Variants in TUSC3 observed in about 807,000 individuals in gnomAD.
TUSC3 encodes dolichyl-diphosphooligosaccharide--protein glycosyltransferase subunit TUSC3.
A neutral mutation model predicts 44.8 loss-of-function variants in TUSC3; 45 were observed. The ratio of observed to expected loss-of-function variants is 1.00; its 90% CI spans 0.79 to 1.29. The LOEUF (loss-of-function observed/expected upper bound fraction) is 1.29. Among genes scored for constraint, TUSC3 ranks in the 50% most tolerant of loss-of-function variants. The probability of loss-of-function intolerance (pLI) is 0.00; values close to 1 mark genes in which losing one functional copy is unlikely to be tolerated. For missense variants in TUSC3, 519 were observed against 437.9 expected (o/e 1.19, Z -1.65); for synonymous variants, 212 against 152.9 (o/e 1.39, Z -2.85).
At chr8:15,555,728 G>A (rs578055485) in intron 1 of TUSC3, among the ~76,000 whole-genome samples, 1 of 151,510 alleles carries the variant, frequency 6.6e-6, no homozygotes, top group South Asian at 2.1e-4. Flanking sequence ...CATAACTGTT[G>A]GAATATTGCA....
chr8:15,713,715 A>T (rs1809951962), intron 6 of TUSC3, among the ~76,000 whole-genome samples: 2 of 151,884 alleles, frequency 1.3e-5, no homozygotes, highest in South Asian at 4.2e-4. Context: ...TTTTTTTTAT[A>T]AAGATGCCAA....
the TUSC3 span, among the ~76,000 whole-genome samples, chr8:15,834,943 G>A: frequency 6.6e-6 from 1 of 152,112 alleles, no homozygotes; most frequent in Non-Finnish European, 1.5e-5. Flanking sequence ...ACTGGTTGTG[G>A]GACTTAAGTA....
intron 8 of TUSC3, among the ~76,000 whole-genome samples, chr8:15,746,080 G>A (rs1353941217): frequency 6.6e-6 from 1 of 152,074 alleles, no homozygotes; most frequent in African/African-American, 2.4e-5. Context: ...AGAGTGTGCA[G>A]CTTTATTTCT....
chr8:15,838,913 A>G, the TUSC3 span, among the ~76,000 whole-genome samples: 2 of 152,160 alleles, frequency 1.3e-5, no homozygotes, highest in Non-Finnish European at 2.9e-5. Flanking sequence ...TGGTAGCTCA[A>G]TGGGGATGGC....
chr8:15,778,290 G>GTATT, the TUSC3 span, among the ~76,000 whole-genome samples: 6 of 152,208 alleles, frequency 3.9e-5, 1 homozygote, highest in Middle Eastern at 0.014. Flanking sequence ...TGAGGTGAGA[G>GTATT]TATTACCAGT....
At chr8:15,499,627 C>T (rs1800931106) in intron 2 of TUSC3, among the ~76,000 whole-genome samples, 1 of 152,132 alleles carries the variant, frequency 6.6e-6, no homozygotes, top group Admixed American at 6.6e-5. Context: ...TTTTATGTGT[C>T]AACTTCACTG....
the TUSC3 span, among the ~76,000 whole-genome samples, chr8:15,781,692 G>A: frequency 2.2e-4 from 34 of 152,284 alleles, no homozygotes; most frequent in Non-Finnish European, 4.9e-4. Context: ...ACACAAGATA[G>A]CTTCACTGGT....
intron 9 of TUSC3, among the ~76,000 whole-genome samples, chr8:15,752,053 G>C (rs892953819): frequency 6.6e-6 from 1 of 152,110 alleles, no homozygotes; most frequent in African/African-American, 2.4e-5. Context: ...ATACATCCAT[G>C]AACCGGGGAA....
intron 1 of TUSC3, among the ~76,000 whole-genome samples, chr8:15,458,969 C>T (rs1288202751): frequency 1.3e-5 from 2 of 152,314 alleles, no homozygotes; most frequent in Admixed American, 6.5e-5. Context: ...TTAAGTTAAT[C>T]TTTTCACCAA....
intron 7 of TUSC3, among the ~76,000 whole-genome samples, chr8:15,733,185 C>A (rs545874705): frequency 6.6e-6 from 1 of 152,226 alleles, no homozygotes; most frequent in African/African-American, 2.4e-5. Flanking sequence ...CATATCTACT[C>A]CTCTCTATTA....
chr8:15,752,003 C>T (rs1164062460), intron 9 of TUSC3, among the ~76,000 whole-genome samples: 3 of 152,074 alleles, frequency 2.0e-5, no homozygotes, highest in Admixed American at 6.5e-5. Context: ...ATAGACATGC[C>T]GTGGTGCTTA....
chr8:15,538,015 T>C (rs1488532359), upstream of TUSC3, among the ~76,000 whole-genome samples: 1 of 152,180 alleles, frequency 6.6e-6, no homozygotes, highest in African/African-American at 2.4e-5. Context: ...GGAGCTCTTA[T>C]GTACGCACAT....
At chr8:15,448,645 C>T (rs1384453671) in intron 1 of TUSC3, among the ~76,000 whole-genome samples, 1 of 152,140 alleles carries the variant, frequency 6.6e-6, no homozygotes, top group Admixed American at 6.5e-5. Context: ...AATAATATTG[C>T]AGGATTGGCT....
intron 1 of TUSC3, among the ~76,000 whole-genome samples, chr8:15,468,945 A>T (rs1800449333): frequency 6.6e-6 from 1 of 152,090 alleles, no homozygotes; most frequent in East Asian, 1.9e-4. Context: ...GCTGACTTAA[A>T]AATAATGAGG....
intron 1 of TUSC3, among the ~76,000 whole-genome samples, chr8:15,448,300 G>A (rs1800138300): frequency 6.6e-6 from 1 of 151,388 alleles, no homozygotes; most frequent in Non-Finnish European, 1.5e-5. Flanking sequence ...TGTATTTTTA[G>A]TAGAGATGAG....
At chr8:15,644,361 A>G (rs368054145) in intron 2 of TUSC3, among the ~76,000 whole-genome samples, 15 of 152,190 alleles carry the variant, frequency 9.9e-5, no homozygotes, top group African/African-American at 2.7e-4. Flanking sequence ...GGCCTTTACT[A>G]TTACTATGAA....
At chr8:15,581,594 G>C (rs1445870191) in intron 1 of TUSC3, among the ~76,000 whole-genome samples, 1 of 149,416 alleles carries the variant, frequency 6.7e-6, no homozygotes. Context: ...GTGTCAGTGT[G>C]CCCCTGCTGC....
At chr8:15,446,907 A>AAAG (rs1554502531) in intron 1 of TUSC3, among the ~76,000 whole-genome samples, 1 of 32,754 alleles carries the variant, frequency 3.1e-5, no homozygotes. Context: ...ACAGAAAAAA[A>AAAG]AACAAAGGAG....
intron 1 of TUSC3, among the ~76,000 whole-genome samples, chr8:15,449,791 C>A (rs1263391064): frequency 6.6e-6 from 1 of 152,124 alleles, no homozygotes; most frequent in Non-Finnish European, 1.5e-5. Flanking sequence ...CCTGCAAATT[C>A]CATTCATGGT....
Sources: gnomAD v4.1 joint callset for allele counts (sites outside exome capture counted in the v4.1 genomes callset) on GRCh38, gnomAD v4.1.1 for gene constraint, MANE v1.5 for transcripts, NCBI Gene and HGNC (gene_info 2026-07-23, HGNC 2026-07-21) for gene names.